The following LRMDA variants were observed in gnomAD, a reference collection of about 807,000 sequenced individuals.
LRMDA encodes the protein leucine rich melanocyte differentiation associated.
Under a neutral mutation model 29.8 loss-of-function variants are expected in LRMDA, and 18 were observed. The ratio of observed to expected loss-of-function variants is 0.60; its 90% CI spans 0.42 to 0.90. The LOEUF is 0.90. Ranked by LOEUF, LRMDA falls within the 40% of genes least tolerant of loss-of-function variation. The probability of loss-of-function intolerance (pLI) is 0.00; values close to 1 mark genes in which losing one functional copy is unlikely to be tolerated. For missense variants in LRMDA, 273 were observed against 273.9 expected (o/e 1.00, Z 0.02); for synonymous variants, 125 against 109.4 (o/e 1.14, Z -0.89).
At chr10:75,738,614 C>G (rs561437536) in intron 2 of LRMDA, among the ~76,000 whole-genome samples, 7 of 152,216 alleles carry the variant, frequency 4.6e-5, no homozygotes, top group Admixed American at 1.3e-4. Flanking sequence ...TCCTCTGTGC[C>G]CAAGAGTGCC....
chr10:75,826,468 G>A (rs1844248239), intron 2 of LRMDA, among the ~76,000 whole-genome samples: 1 of 152,114 alleles, frequency 6.6e-6, no homozygotes, highest in Non-Finnish European at 1.5e-5. Context: ...AATGGTCTAG[G>A]TCAGTGTCCA....
chr10:75,888,963 T>G (rs2132351574), intron 2 of LRMDA, among the ~76,000 whole-genome samples: 1 of 152,334 alleles, frequency 6.6e-6, no homozygotes, highest in Non-Finnish European at 1.5e-5. Flanking sequence ...TAAAAATGCC[T>G]TATTACCTTT....
At chr10:76,510,180 C>T (rs542055508) in intron 6 of LRMDA, among the ~76,000 whole-genome samples, 3 of 152,268 alleles carry the variant, frequency 2.0e-5, no homozygotes, top group African/African-American at 7.2e-5. Flanking sequence ...AAGCGATTCT[C>T]CTGCCTCAAC....
chr10:75,662,423 C>T (rs1841766145), intron 2 of LRMDA, among the ~76,000 whole-genome samples: 1 of 152,104 alleles, frequency 6.6e-6, no homozygotes, highest in South Asian at 2.1e-4. Flanking sequence ...CCACTGCCTT[C>T]CATTTCATCT....
chr10:75,814,931 A>T (rs573587606), intron 2 of LRMDA, among the ~76,000 whole-genome samples: 2 of 152,206 alleles, frequency 1.3e-5, no homozygotes, highest in Non-Finnish European at 2.9e-5. Flanking sequence ...GCATCTTACC[A>T]TTGCTCTTCT....
At chr10:76,520,983 A>G (rs529260890) in intron 6 of LRMDA, among the ~76,000 whole-genome samples, 1 of 152,304 alleles carries the variant, frequency 6.6e-6, no homozygotes, top group East Asian at 1.9e-4. Flanking sequence ...ATTTTCTATA[A>G]TATTAACTCC....
chr10:76,219,246 T>C (rs1214142700), intron 5 of LRMDA, among the ~76,000 whole-genome samples: 3 of 152,160 alleles, frequency 2.0e-5, no homozygotes, highest in African/African-American at 7.2e-5. Flanking sequence ...AATGACAGGA[T>C]AAAATTCACA....
chr10:76,026,335 AC>A (rs1412236309), intron 2 of LRMDA, among the ~76,000 whole-genome samples: 4 of 152,228 alleles, frequency 2.6e-5, no homozygotes, highest in African/African-American at 9.6e-5. Flanking sequence ...CTTTATGTAC[AC>A]AGGTTCTAAA....
rs552468762 is a variant in LRMDA at position 76,424,837 on chromosome 10, T to A, written c.601+100352T>A. 2.0e-5 allele frequency among the ~76,000 whole-genome samples: 3 copies of A among 152,308 alleles called. No individual in the cohort carries two copies. In the South Asian group the frequency reaches 6.2e-4, roughly 32 times the overall value. On this transcript the variant is annotated intron_variant, in intron 6 of 6. Transcript: ENST00000611255. Reference sequence around the variant, plus strand: ...ACGGCACCTTACTGTCTTTCCCAAGTTATTTCTCCAACCTGTACAGAGAGA... The same window carrying A: ...ACGGCACCTTACTGTCTTTCCCAAGATATTTCTCCAACCTGTACAGAGAGA...
intron 2 of LRMDA, among the ~76,000 whole-genome samples, chr10:75,498,613 G>C (rs915775562): frequency 6.6e-6 from 1 of 152,116 alleles, no homozygotes. Context: ...AGAGAGGAGC[G>C]GCTAGTATGA....
At chr10:75,544,356 T>C (rs571711906) in intron 2 of LRMDA, among the ~76,000 whole-genome samples, 1 of 152,330 alleles carries the variant, frequency 6.6e-6, no homozygotes, top group South Asian at 2.1e-4. Flanking sequence ...GTTTCTAAAC[T>C]ATCTCACAAA....
At chr10:76,366,190 G>T (rs1197285699) in intron 6 of LRMDA, among the ~76,000 whole-genome samples, 1 of 152,074 alleles carries the variant, frequency 6.6e-6, no homozygotes, top group Non-Finnish European at 1.5e-5. Flanking sequence ...CCCCAGATTT[G>T]TTCTTTTGAC....
chr10:76,164,903 C>A (rs566665460), intron 5 of LRMDA, among the ~76,000 whole-genome samples: 6 of 152,072 alleles, frequency 3.9e-5, no homozygotes, highest in Non-Finnish European at 1.5e-5. Flanking sequence ...ACAAAGGGCA[C>A]GTGTATCAGT....
At chr10:76,513,657 A>G (rs1269883368) in intron 6 of LRMDA, among the ~76,000 whole-genome samples, 1 of 152,170 alleles carries the variant, frequency 6.6e-6, no homozygotes, top group African/African-American at 2.4e-5. Flanking sequence ...GGTCAATTTT[A>G]TATATAATAG....
chr10:76,372,013 CT>C (rs1414228683), intron 6 of LRMDA, among the ~76,000 whole-genome samples: 1 of 152,174 alleles, frequency 6.6e-6, no homozygotes, highest in Non-Finnish European at 1.5e-5. Flanking sequence ...TGGCACTTAC[CT>C]CCTCCCTGGA....
intron 2 of LRMDA, among the ~76,000 whole-genome samples, chr10:75,813,299 T>C (rs1360932492): frequency 6.6e-6 from 1 of 152,086 alleles, no homozygotes; most frequent in Non-Finnish European, 1.5e-5. Flanking sequence ...CCACTCAGAG[T>C]TGCTTCCAGT....
rs574492935 is a variant in LRMDA, at chr10:75,472,027, A to G, written c.131+33533A>G. On this transcript the variant is annotated intron_variant, in intron 2 of 6. Transcript: ENST00000611255. ...TCAGGGAGAGCCAAAATCATCTGCC[A>G]GGTCTCTTTTTACCCACCAGTTTGA... Among the ~76,000 whole-genome samples the G allele has an allele frequency of 4.6e-5, 7 of 152,218 alleles. No individual in the cohort carries two copies. The East Asian group carries it at 1.4e-3, about 29-fold the overall frequency.
chr10:75,470,731 C>A (rs1017123291), intron 2 of LRMDA, among the ~76,000 whole-genome samples: 1 of 152,072 alleles, frequency 6.6e-6, no homozygotes, highest in Admixed American at 6.6e-5. Context: ...CTGAGCAGCC[C>A]CACTCATTGT....
chr10:76,141,703 A>G (rs1443833076), intron 5 of LRMDA, among the ~76,000 whole-genome samples: 1 of 152,080 alleles, frequency 6.6e-6, no homozygotes, highest in Non-Finnish European at 1.5e-5. Flanking sequence ...TCTTGTCACA[A>G]ATCTCTCTGA....
Sources: gnomAD v4.1 joint callset for allele counts (sites outside exome capture counted in the v4.1 genomes callset) on GRCh38, gnomAD v4.1.1 for gene constraint, MANE v1.5 for transcripts, NCBI Gene and HGNC (gene_info 2026-07-23, HGNC 2026-07-21) for gene names.